Variants in KCNQ5 observed in about 807,000 individuals in gnomAD.
KCNQ5 encodes potassium voltage-gated channel subfamily KQT member 5.
In KCNQ5, 30 loss-of-function variants were observed where a neutral mutation model predicts 98.2. That is an observed-to-expected ratio of 0.31 (90% CI 0.23 to 0.41). The LOEUF is 0.41. KCNQ5 is among the 10% of genes least tolerant of loss of function. KCNQ5 has a pLI of 1.00. For synonymous variants in KCNQ5, 458 were observed against 449.4 expected (o/e 1.02, Z -0.24); for missense variants, 835 against 1,182.5 (o/e 0.71, Z 4.31).
rs112674049 is a variant in KCNQ5, at chr6:73,015,270, A to G, written c.489+11272A>G. Among the ~76,000 whole-genome samples the G allele has an allele frequency of 4.2e-3, 636 of 152,200 alleles. 4 individuals are homozygous for G. Among genetic ancestry groups the G allele is most frequent in the African/African-American group, 0.013 (551 of 41,564 alleles). ...ATTTTCCTTTGCTTTTCTTTCATCA[A>G]GGAAAAATGCAAATAAACTCTAAAA... On this transcript the variant is annotated intron_variant, in intron 2 of 13. Coordinates refer to ENST00000370398, the MANE Select transcript of KCNQ5 (RefSeq NM_019842.4).
chr6:73,076,138 C>A (rs1310210454), intron 3 of KCNQ5, among the ~76,000 whole-genome samples: 1 of 152,204 alleles, frequency 6.6e-6, no homozygotes, highest in Non-Finnish European at 1.5e-5. Context: ...CAAAAAGGGG[C>A]ACCAGCAGAG....
At chr6:72,937,699 A>G (rs1010681157) in intron 1 of KCNQ5, among the ~76,000 whole-genome samples, 1 of 152,212 alleles carries the variant, frequency 6.6e-6, no homozygotes, top group African/African-American at 2.4e-5. Flanking sequence ...CCAATTAACA[A>G]GAGAAAAATG....
intron 1 of KCNQ5, among the ~76,000 whole-genome samples, chr6:72,954,314 C>T (rs1220832617): frequency 6.6e-6 from 1 of 152,026 alleles, no homozygotes; most frequent in Non-Finnish European, 1.5e-5. Flanking sequence ...GGGAGGAAGG[C>T]AGGAGGAGGA....
chr6:72,960,321 A>C (rs962391290), intron 1 of KCNQ5, among the ~76,000 whole-genome samples: 1 of 152,204 alleles, frequency 6.6e-6, no homozygotes, highest in African/African-American at 2.4e-5. Context: ...AAACATCTCC[A>C]GTCCCTTATT....
At chr6:72,902,813 A>G (rs1779561307) in intron 1 of KCNQ5, among the ~76,000 whole-genome samples, 1 of 151,976 alleles carries the variant, frequency 6.6e-6, no homozygotes, top group Non-Finnish European at 1.5e-5. Context: ...TTTTTTGGTT[A>G]TGTCCTTTCC....
At chr6:73,158,391 C>T (rs976692466) in intron 10 of KCNQ5, among the ~76,000 whole-genome samples, 1 of 151,922 alleles carries the variant, frequency 6.6e-6, no homozygotes, top group African/African-American at 2.4e-5. Context: ...CTCGGCCTCC[C>T]GAGTAGCTGG....
At chr6:72,886,673 G>A (rs990201893) in intron 1 of KCNQ5, among the ~76,000 whole-genome samples, 9 of 152,082 alleles carry the variant, frequency 5.9e-5, no homozygotes, top group African/African-American at 1.9e-4. Flanking sequence ...TTAGAAGCCA[G>A]AGAAAATAAG....
intron 1 of KCNQ5, among the ~76,000 whole-genome samples, chr6:72,639,708 C>T (rs190733705): frequency 3.3e-5 from 5 of 152,074 alleles, no homozygotes; most frequent in Admixed American, 2.6e-4. Context: ...ATGCACCAAA[C>T]GGTGCTTGCA....
At chr6:72,873,376 C>T (rs1778289726) in intron 1 of KCNQ5, among the ~76,000 whole-genome samples, 1 of 152,058 alleles carries the variant, frequency 6.6e-6, no homozygotes, top group East Asian at 1.9e-4. Flanking sequence ...TGTGCCCTTC[C>T]TGAAGTATAC....
At chr6:72,826,485 TG>T (rs1278243721) in intron 1 of KCNQ5, among the ~76,000 whole-genome samples, 4 of 151,040 alleles carry the variant, frequency 2.6e-5, no homozygotes, top group African/African-American at 9.9e-5. Context: ...TCAGCTCCCT[TG>T]TATGGCTACC....
Position 73,079,900 on chromosome 6 carries a change from G to T in KCNQ5, c.918+2013G>T, listed in dbSNP as rs967314244. On this transcript the variant is annotated intron_variant, in intron 5 of 13. Transcript: ENST00000370398. ...ACAGTTTATCATCCCAGCCTTCAAA[G>T]CAATGGTTTGAATTCAAGTTTAATT... Among the ~76,000 whole-genome samples, 4 of 152,312 alleles carry T rather than the reference G, an allele frequency of 2.6e-5. No individual in the cohort carries two copies. The East Asian group carries it at 7.7e-4, about 29-fold the overall frequency.
chr6:72,997,564 A>G (rs1769363899), intron 1 of KCNQ5, among the ~76,000 whole-genome samples: 1 of 151,590 alleles, frequency 6.6e-6, no homozygotes, highest in Non-Finnish European at 1.5e-5. Context: ...TCACGAGGTC[A>G]GAAGATCGAG....
chr6:73,161,122 C>T (rs148216320), intron 10 of KCNQ5, among the ~76,000 whole-genome samples: 1 of 152,300 alleles, frequency 6.6e-6, no homozygotes, highest in East Asian at 1.9e-4. Flanking sequence ...AAATATTATT[C>T]ATCCATTAAA....
intron 10 of KCNQ5, among the ~76,000 whole-genome samples, chr6:73,154,083 T>A (rs1451742152): frequency 6.6e-6 from 1 of 152,128 alleles, no homozygotes; most frequent in Non-Finnish European, 1.5e-5. Context: ...AGGCTTTTTT[T>A]TCAATAAAAA....
rs138313583 is a variant in KCNQ5 at position 73,039,728 on chromosome 6, C to T, written c.490-2208C>T. On this transcript the variant is annotated intron_variant, in intron 2 of 13. Transcript: ENST00000370398. ...AACTTGTTGAAATTTGTTTATGACC[C>T]GGAATATAATCTATCTTAATAAATG... Among the ~76,000 whole-genome samples the T allele has an allele frequency of 4.4e-3, 666 of 152,014 alleles. 3 individuals carry two copies. The highest frequency in any genetic ancestry group is 7.2e-3 in the Non-Finnish European group (488 of 67,972).
At chr6:73,022,317 A>G (rs894140204) in intron 2 of KCNQ5, among the ~76,000 whole-genome samples, 1 of 152,112 alleles carries the variant, frequency 6.6e-6, no homozygotes, top group Admixed American at 6.5e-5. Flanking sequence ...TTCACTTTTA[A>G]CACATATTTT....
At chr6:72,731,849 T>C (rs1023128860) in intron 1 of KCNQ5, among the ~76,000 whole-genome samples, 1 of 152,132 alleles carries the variant, frequency 6.6e-6, no homozygotes, top group African/African-American at 2.4e-5. Context: ...CAAAAAATTA[T>C]ATCCTCCAAA....
intron 1 of KCNQ5, among the ~76,000 whole-genome samples, chr6:72,862,524 G>C (rs1184827800): frequency 1.3e-5 from 2 of 152,088 alleles, no homozygotes; most frequent in Non-Finnish European, 2.9e-5. Context: ...AACAGAATAT[G>C]TCATAAGCTC....
intron 1 of KCNQ5, among the ~76,000 whole-genome samples, chr6:72,656,753 A>G (rs998848834): frequency 2.0e-5 from 3 of 152,146 alleles, no homozygotes; most frequent in East Asian, 1.9e-4. Flanking sequence ...ACACAAATTT[A>G]TGTCCACTGA....
Sources: allele counts gnomAD v4.1 joint callset (sites outside exome capture counted in the v4.1 genomes callset), GRCh38; gene constraint gnomAD v4.1.1; transcripts MANE v1.5; gene names NCBI Gene and HGNC (gene_info 2026-07-23, HGNC 2026-07-21).